STK38L: variants seen among roughly 807,000 people sequenced by gnomAD.
The protein encoded by STK38L is serine/threonine-protein kinase 38-like.
In STK38L, 28 loss-of-function variants were observed where a neutral mutation model predicts 59.7. That is an observed-to-expected ratio of 0.47 (90% CI 0.35 to 0.64). The LOEUF (loss-of-function observed/expected upper bound fraction) is 0.64. STK38L is among the 30% of genes least tolerant of loss of function. The pLI is 0.01. For missense variants in STK38L, 314 were observed against 555.8 expected (o/e 0.56, Z 4.37); for synonymous variants, 162 against 176.8 (o/e 0.92, Z 0.66).
intron 1 of STK38L, among the ~76,000 whole-genome samples, chr12:27,247,440 A>G (rs983663706): frequency 4.6e-5 from 7 of 152,216 alleles, no homozygotes; most frequent in Non-Finnish European, 7.4e-5. Flanking sequence ...TTTTGGGGTC[A>G]GTTTTCTAGA....
At position 27,308,940 on chromosome 12, in the gene STK38L, A is replaced by AAT. The variant is rs969526681; in HGVS notation, c.310-164_310-163dup. Among the ~76,000 whole-genome samples, 35 of 144,750 alleles carry AAT rather than the reference A, an allele frequency of 2.4e-4. No individual in the cohort carries two copies. The highest frequency in any genetic ancestry group is 5.9e-4 in the African/African-American group (24 of 40,472). 95.0% of individuals were successfully genotyped at this position (144,750 alleles called of 152,430 possible). On this transcript the variant is annotated intron_variant, in intron 4 of 13. Coordinates refer to ENST00000389032, the MANE Select transcript of STK38L (RefSeq NM_015000.4). This position sits in a 1 kb window ranked among gnomAD's most constrained non-coding sequence, Gnocchi z 4.5. ...TATTAATATATATAAAATATATATA[A>AAT]ATATATATATAACATATATAAAAAT... is the stretch of plus-strand genomic sequence containing the variant.
rs1944763608 is a variant in STK38L at position 27,322,830 on chromosome 12, C to T, written c.*375C>T. 3.1e-5 allele frequency: 5 copies of T among 163,334 alleles called. No individual in the cohort carries two copies. Among genetic ancestry groups the T allele is most frequent in the Admixed American group, 3.0e-4 (5 of 16,396 alleles). The allele number at this position is 163,334 out of a possible 1,614,324, so 10.1% of individuals were successfully genotyped here. ...GAGAAACACATATCATTTAAAGCAA[C>T]ATAGGCTAACCTGTAGGTAACACTG... is the stretch of plus-strand genomic sequence containing the variant. On this transcript the variant is annotated 3_prime_UTR_variant, in exon 14 of 14. Transcript: ENST00000389032.
chr12:27,258,418 T>C (rs1943134099), intron 1 of STK38L, among the ~76,000 whole-genome samples: 1 of 152,024 alleles, frequency 6.6e-6, no homozygotes, highest in Non-Finnish European at 1.5e-5. Context: ...AACTGCCACC[T>C]CCTGGGTTCA....
chr12:27,285,939 C>G (rs1236027346), intron 1 of STK38L, among the ~76,000 whole-genome samples: 1 of 152,098 alleles, frequency 6.6e-6, no homozygotes, highest in East Asian at 1.9e-4. Context: ...TTCTAGTCAC[C>G]AGTGGAAAAG....
chr12:27,319,132 T>C (rs1215559273), intron 11 of STK38L, among the ~76,000 whole-genome samples, 196 bp from the exon 12 acceptor site: 1 of 152,248 alleles, frequency 6.6e-6, no homozygotes, highest in Non-Finnish European at 1.5e-5. Flanking sequence ...AAGATTAGCA[T>C]ATTTACAGTA....
At chr12:27,294,399 C>T (rs1395155150) in intron 1 of STK38L, among the ~76,000 whole-genome samples, 2 of 150,948 alleles carry the variant, frequency 1.3e-5, no homozygotes, top group Non-Finnish European at 2.9e-5. Flanking sequence ...CTCAGCTACT[C>T]GGGAGGCTGA....
At chr12:27,297,041 T>G (rs1944042075) in intron 1 of STK38L, 1 of 152,244 alleles carries the variant, frequency 6.6e-6, no homozygotes, top group African/African-American at 2.4e-5. Context: ...CATCTGAATT[T>G]CATTTGAAAA....
At chr12:27,287,152 T>C (rs554810302) in intron 1 of STK38L, among the ~76,000 whole-genome samples, 10 of 150,728 alleles carry the variant, frequency 6.6e-5, no homozygotes, top group Non-Finnish European at 1.3e-4. Flanking sequence ...CAGGCTGGAG[T>C]GCAATGGTGC....
intron 1 of STK38L, among the ~76,000 whole-genome samples, chr12:27,274,502 A>G (rs1322103571): frequency 2.0e-5 from 3 of 152,204 alleles, no homozygotes; most frequent in Non-Finnish European, 4.4e-5. Flanking sequence ...TCACGTCACT[A>G]CTAATCTGGC....
At chr12:27,256,573 T>C (rs1235335426) in intron 1 of STK38L, among the ~76,000 whole-genome samples, 1 of 152,232 alleles carries the variant, frequency 6.6e-6, no homozygotes, top group Non-Finnish European at 1.5e-5. Flanking sequence ...TAGTATGTAT[T>C]TCTTTTATGT....
chr12:27,270,249 C>A (rs1943395395), intron 1 of STK38L, among the ~76,000 whole-genome samples: 1 of 152,066 alleles, frequency 6.6e-6, no homozygotes, highest in Non-Finnish European at 1.5e-5. Context: ...TCTCCATCAC[C>A]CAGGCTGGAG....
intron 1 of STK38L, among the ~76,000 whole-genome samples, chr12:27,276,021 T>C (rs73083076): frequency 0.18 from 27,634 of 152,088 alleles, 2,788 homozygotes; most frequent in Non-Finnish European, 0.23. Context: ...GCCTAACAAA[T>C]GGAAATGTGT....
chr12:27,319,358 A>G lies in STK38L; in HGVS notation c.1110A>G (p.Gly370=). 1 of 1,612,886 alleles carries G rather than the reference A, an allele frequency of 6.2e-7. No homozygotes were observed. The highest frequency in any genetic ancestry group is 1.1e-5 in the South Asian group (1 of 90,946). Residue 370 remains glycine (G), a synonymous_variant, in exon 12 of 14, where the codon GGA becomes GGG. Transcript: ENST00000389032. ...RFCIDSENRI[G]NSGVEEIKGH... The stretch of plus-strand genomic sequence containing the variant: ...GTATTGATTCTGAAAACAGAATTGG[A>G]AATAGTGGAGTAGAAGAAATAAAAG...
intron 2 of STK38L, among the ~76,000 whole-genome samples, chr12:27,298,882 T>C (rs1291358953): frequency 6.6e-6 from 1 of 152,220 alleles, no homozygotes; most frequent in Non-Finnish European, 1.5e-5. Context: ...CTTTTCATGG[T>C]AGTGGAGAGC....
In STK38L at chr12:27,308,354, TC is replaced by T; in HGVS notation, c.203del (p.Ser68TyrfsTer26). On this transcript the variant is annotated frameshift_variant, in exon 4 of 14. Coordinates refer to ENST00000389032, the MANE Select transcript of STK38L (RefSeq NM_015000.4). LOFTEE classifies it high-confidence loss of function. This position sits in a 1 kb window ranked among gnomAD's most constrained non-coding sequence, Gnocchi z 4.5. ...TTTTTAATAGAAAAAGTTACGTCGA[TC>T]ACAACACGCTCGCAAAGAAACAGAG... ...LADEEKKLRR[S>X]QHARKETEFL... 6.4e-7 allele frequency: 1 copy of T among 1,567,340 alleles called. No individual in the cohort carries two copies. Among genetic ancestry groups the T allele is most frequent in the Non-Finnish European group, 8.6e-7 (1 of 1,158,318 alleles).
chr12:27,287,761 T>C (rs531501018), intron 1 of STK38L, among the ~76,000 whole-genome samples: 1 of 152,336 alleles, frequency 6.6e-6, no homozygotes, highest in African/African-American at 2.4e-5. Flanking sequence ...TGACTTGATT[T>C]TTTCCCCTAA....
Position 27,322,383 on chromosome 12 carries a change from T to C in STK38L, c.1323T>C (p.Tyr441=), listed in dbSNP as rs763883106. The change falls in exon 14 of 14, where the codon TAT becomes TAC. Residue 441 remains tyrosine (Y), a synonymous_variant. Coordinates refer to ENST00000389032, the MANE Select transcript of STK38L (RefSeq NM_015000.4). ...CCAAAGACTGGGTTTTTCTCAATTA[T>C]ACCTATAAAAGGTTTGAAGGGTTGA... ...YKSKDWVFLN[Y]TYKRFEGLTQ... 24 of 1,613,994 alleles carry C rather than the reference T, an allele frequency of 1.5e-5. No homozygotes were observed. The highest frequency in any genetic ancestry group is 2.0e-5 in the Non-Finnish European group (24 of 1,179,966).
At chr12:27,277,198 C>T (rs961922961) in intron 1 of STK38L, among the ~76,000 whole-genome samples, 8 of 151,906 alleles carry the variant, frequency 5.3e-5, no homozygotes, top group East Asian at 1.9e-4. Context: ...CTTCACACCC[C>T]GCTTTGTTCC....
In STK38L at chr12:27,315,283, A is replaced by G. The variant is rs756646546; in HGVS notation, c.776-6A>G. ...CGTGATTACAATTCCATATTGTTGA[A>G]ATTAGCATTTCAGAACATGAACTCA... is the stretch of plus-strand genomic sequence containing the variant. On this transcript the variant is annotated splice_region_variant and splice_polypyrimidine_tract_variant and intron_variant, in intron 8 of 13. Coordinates refer to ENST00000389032, the MANE Select transcript of STK38L (RefSeq NM_015000.4). 1 of 1,613,728 alleles carries G rather than the reference A, an allele frequency of 6.2e-7. No individual in the cohort carries two copies. Among genetic ancestry groups the G allele is most frequent in the East Asian group, 2.2e-5 (1 of 44,800 alleles).
Sources: gnomAD v4.1 joint callset for allele counts (sites outside exome capture counted in the v4.1 genomes callset) on GRCh38, gnomAD v4.1.1 for gene constraint, Gnocchi (gnomAD v3.1) non-coding constraint, MANE v1.5 for transcripts, NCBI Gene and HGNC (gene_info 2026-07-23, HGNC 2026-07-21) for gene names.